Variants in TTC28 observed in about 807,000 individuals in gnomAD.
TTC28 encodes tetratricopeptide repeat protein 28.
Under a neutral mutation model 198.0 loss-of-function variants are expected in TTC28, and 61 were observed. The ratio of observed to expected loss-of-function variants is 0.31; its 90% CI spans 0.25 to 0.38. TTC28 has a LOEUF of 0.38. Among genes scored for constraint, TTC28 ranks in the 10% least tolerant of loss-of-function variants. TTC28 has a pLI of 1.00. For missense variants in TTC28, 2,678 were observed against 3,164.0 expected (o/e 0.85, Z 3.69); for synonymous variants, 1,171 against 1,297.8 (o/e 0.90, Z 2.10).
intron 2 of TTC28, among the ~76,000 whole-genome samples, chr22:28,618,667 G>A (rs865964336): frequency 7.1e-6 from 1 of 139,990 alleles, no homozygotes; most frequent in Non-Finnish European, 1.5e-5. Context: ...GGGTGACAGA[G>A]CAAGACTCTG....
intron 6 of TTC28, among the ~76,000 whole-genome samples, chr22:28,136,833 C>T (rs1943210549): frequency 6.6e-6 from 1 of 152,196 alleles, no homozygotes; most frequent in South Asian, 2.1e-4. Context: ...TGGAGAACTG[C>T]ACACATGCTT....
chr22:28,538,253 T>G (rs1203953224), intron 2 of TTC28, among the ~76,000 whole-genome samples: 6 of 151,998 alleles, frequency 3.9e-5, no homozygotes, highest in African/African-American at 1.4e-4. Context: ...CCTGGCTAAT[T>G]TTTTTTATAT....
chr22:28,110,327 G>A (rs1253906511), intron 6 of TTC28, among the ~76,000 whole-genome samples: 1 of 152,116 alleles, frequency 6.6e-6, no homozygotes, highest in Non-Finnish European at 1.5e-5. Flanking sequence ...GTTTTATGTA[G>A]TTCATCTATA....
chr22:28,086,337 C>G (rs1323235070), intron 12 of TTC28, among the ~76,000 whole-genome samples: 2 of 152,132 alleles, frequency 1.3e-5, no homozygotes, highest in African/African-American at 4.8e-5. Flanking sequence ...TGCAATCAAA[C>G]TAGAACTCAG....
At chr22:28,003,567 A>G (rs1937801981) in intron 14 of TTC28, among the ~76,000 whole-genome samples, 1 of 152,136 alleles carries the variant, frequency 6.6e-6, no homozygotes, top group Non-Finnish European at 1.5e-5. Flanking sequence ...GTCAGATATC[A>G]TCCCACAGGC....
In TTC28 at chr22:28,207,958, T is replaced by C. The variant is rs530768375; in HGVS notation, c.934-44359A>G. 2.6e-5 allele frequency among the ~76,000 whole-genome samples: 4 copies of C among 152,158 alleles called. No individual in the cohort carries two copies. The East Asian group carries it at 7.8e-4, about 30-fold the overall frequency. ...GTTTGTCTCAAGAAGCTGTGCACCC[T>C]GTGGGCAAGGGGCAAGAAAAACTAT... On this transcript the variant is annotated intron_variant, in intron 5 of 22. Transcript: ENST00000397906.
chr22:28,061,036 T>C (rs1186219077), intron 12 of TTC28, among the ~76,000 whole-genome samples: 2 of 152,236 alleles, frequency 1.3e-5, no homozygotes, highest in South Asian at 2.1e-4. Flanking sequence ...AAGTGTCTGT[T>C]CACATCCTTC....
chr22:28,403,170 T>C (rs2046943797), intron 2 of TTC28, among the ~76,000 whole-genome samples: 1 of 152,192 alleles, frequency 6.6e-6, no homozygotes, highest in African/African-American at 2.4e-5. Context: ...GCCAGACTTA[T>C]AGAGGGAATA....
intron 5 of TTC28, among the ~76,000 whole-genome samples, chr22:28,208,595 C>T (rs9613574): frequency 0.22 from 33,572 of 152,072 alleles, 4,680 homozygotes; most frequent in South Asian, 0.32. Flanking sequence ...TATGGCTTAC[C>T]AGTCATAGCA....
intron 2 of TTC28, among the ~76,000 whole-genome samples, chr22:28,446,962 C>T (rs1211167873): frequency 6.6e-6 from 1 of 152,014 alleles, no homozygotes; most frequent in Admixed American, 6.6e-5. Flanking sequence ...AAACTCTGTG[C>T]CTGATTAAAA....
At position 27,985,376 on chromosome 22, in the gene TTC28, A is replaced by C; in HGVS notation, c.5708-20T>G. On this transcript the variant is annotated intron_variant, in intron 21 of 22. Coordinates refer to ENST00000397906, the MANE Select transcript of TTC28 (RefSeq NM_001145418.2). ...CAAAACCTAGAGGAACAAAGAATAT[A>C]AGCATCTGCTTCCTTCGGGAAGATT... is the stretch of plus-strand genomic sequence containing the variant. 1 of 1,529,484 alleles carries C rather than the reference A, an allele frequency of 6.5e-7. No homozygotes were observed. The highest frequency in any genetic ancestry group is 1.4e-5 in the African/African-American group (1 of 72,698). The allele number at this position is 1,529,484 out of a possible 1,614,324, so 94.7% of individuals were successfully genotyped here.
intron 5 of TTC28, among the ~76,000 whole-genome samples, chr22:28,235,672 C>T (rs1433130575): frequency 2.0e-5 from 3 of 152,138 alleles, no homozygotes; most frequent in Admixed American, 6.5e-5. Context: ...GTAATGGTAG[C>T]GTCTCAAAGC....
chr22:28,233,620 C>A (rs1365793425), intron 5 of TTC28, among the ~76,000 whole-genome samples: 3 of 152,216 alleles, frequency 2.0e-5, no homozygotes, highest in Non-Finnish European at 2.9e-5. Flanking sequence ...CATCACACCA[C>A]TCAAAGGCAT....
intron 2 of TTC28, among the ~76,000 whole-genome samples, chr22:28,470,904 C>G (rs2048089053): frequency 6.6e-6 from 1 of 152,154 alleles, no homozygotes; most frequent in Non-Finnish European, 1.5e-5. Context: ...GTGGAGATGA[C>G]AAGCACAGAT....
At chr22:28,406,460 AT>A (rs2046999462) in intron 2 of TTC28, among the ~76,000 whole-genome samples, 1 of 152,186 alleles carries the variant, frequency 6.6e-6, no homozygotes, top group South Asian at 2.1e-4. Context: ...CTTGAGACAG[AT>A]GGGGAAGAGC....
At chr22:28,576,155 A>G (rs1286012400) in intron 2 of TTC28, among the ~76,000 whole-genome samples, 3 of 151,504 alleles carry the variant, frequency 2.0e-5, no homozygotes, top group African/African-American at 7.3e-5. Context: ...TTATTGTGTT[A>G]TATTCCTTCT....
At chr22:28,249,089 A>G (rs1242479105) in intron 5 of TTC28, among the ~76,000 whole-genome samples, 1 of 152,154 alleles carries the variant, frequency 6.6e-6, no homozygotes, top group Non-Finnish European at 1.5e-5. Context: ...GAGAACCACA[A>G]TAAGAAGACA....
At chr22:28,089,504 G>C (rs1941739874) in intron 12 of TTC28, among the ~76,000 whole-genome samples, 1 of 149,556 alleles carries the variant, frequency 6.7e-6, no homozygotes, top group Non-Finnish European at 1.5e-5. Flanking sequence ...TCACACTCTG[G>C]GGACTGTTGT....
At chr22:28,150,540 A>C (rs1270513367) in intron 6 of TTC28, among the ~76,000 whole-genome samples, 1 of 152,220 alleles carries the variant, frequency 6.6e-6, no homozygotes, top group African/African-American at 2.4e-5. Context: ...TTAAGGAATG[A>C]ACATAAGACT....
Sources: allele counts gnomAD v4.1 joint callset (sites outside exome capture counted in the v4.1 genomes callset), GRCh38; gene constraint gnomAD v4.1.1; transcripts MANE v1.5; gene names NCBI Gene and HGNC (gene_info 2026-07-23, HGNC 2026-07-21).